The following ADAM11 variants were observed in gnomAD, a reference collection of about 807,000 sequenced individuals.
The protein encoded by ADAM11 is ADAM metallopeptidase domain 11, also known as disintegrin and metalloproteinase domain-containing protein 11.
In ADAM11, 49 loss-of-function variants were observed where a neutral mutation model predicts 119.1. The ratio of observed to expected loss-of-function variants is 0.41; its 90% CI spans 0.33 to 0.52. The LOEUF (loss-of-function observed/expected upper bound fraction) is 0.52, where lower values mean the gene tolerates loss of function less well. Among genes scored for constraint, ADAM11 ranks in the 20% least tolerant of loss-of-function variants. The probability of loss-of-function intolerance (pLI) is 0.20; values close to 1 mark genes in which losing one functional copy is unlikely to be tolerated. For synonymous variants in ADAM11, 364 were observed against 408.0 expected (o/e 0.89, Z 1.30); for missense variants, 777 against 1,047.5 (o/e 0.74, Z 3.56).
chr17:44,768,293 C>A (rs1369600294), intron 2 of ADAM11, among the ~76,000 whole-genome samples: 2 of 152,162 alleles, frequency 1.3e-5, no homozygotes, highest in African/African-American at 4.8e-5. Context: ...GCTCTAGGGG[C>A]TCAGGATGGA....
At chr17:44,761,295 G>C (rs976798777) in intron 2 of ADAM11, among the ~76,000 whole-genome samples, 1 of 152,184 alleles carries the variant, frequency 6.6e-6, no homozygotes, top group African/African-American at 2.4e-5. Flanking sequence ...ACAGAGTTGA[G>C]GAAAAGCCTG....
At chr17:44,761,396 G>A (rs975293521) in intron 2 of ADAM11, among the ~76,000 whole-genome samples, 2 of 152,280 alleles carry the variant, frequency 1.3e-5, no homozygotes, top group East Asian at 3.9e-4. Context: ...AGGTGGCAAA[G>A]GGTAGGAGGT....
chr17:44,776,409 A>G lies in ADAM11; in HGVS notation c.1566+202A>G, dbSNP rs2049602198. Reference sequence around the variant, plus strand: ...TCCTTCAATCATTAAACCAGAATGTATCGTCTGGCTGGTATTCCCAGCGCC... The same window carrying G: ...TCCTTCAATCATTAAACCAGAATGTGTCGTCTGGCTGGTATTCCCAGCGCC... On this transcript the variant is annotated intron_variant, in intron 18 of 26. Coordinates refer to ENST00000200557, the MANE Select transcript of ADAM11 (RefSeq NM_002390.6). This position sits in a 1 kb window ranked among gnomAD's most constrained non-coding sequence, Gnocchi z 5.2. Among the ~76,000 whole-genome samples the G allele has an allele frequency of 6.6e-6, 1 of 152,134 alleles. No individual in the cohort carries two copies. Among genetic ancestry groups the G allele is most frequent in the African/African-American group, 2.4e-5 (1 of 41,426 alleles).
intron 2 of ADAM11, among the ~76,000 whole-genome samples, chr17:44,765,472 T>C (rs1322721119): frequency 6.6e-6 from 1 of 152,228 alleles, no homozygotes; most frequent in East Asian, 1.9e-4. Context: ...GAGTCGTTTA[T>C]GCAGTTCCTC....
In ADAM11 at chr17:44,777,956, G is replaced by A; in HGVS notation, c.2075G>A (p.Cys692Tyr). The A allele has an allele frequency of 6.2e-7, 1 of 1,614,060 alleles. No homozygotes were observed. The highest frequency in any genetic ancestry group is 8.5e-7 in the Non-Finnish European group (1 of 1,180,000). Residue 692 changes from cysteine (C) to tyrosine (Y), a missense_variant, in exon 24 of 27, where the codon TGC (cysteine) becomes TAC (tyrosine). Coordinates refer to ENST00000200557, the MANE Select transcript of ADAM11 (RefSeq NM_002390.6). The surrounding 1 kb of genome is among the most constrained non-coding windows in gnomAD (Gnocchi z 5.1). ...CTGGCCCTGCCCTGCCTCTAGGTCT[G>A]CAGCAATGAAGGGAAGTGCATCTGT... ...ERRICSHHGVCSNEGKCICQP... is the reference protein window; with the variant it reads ...ERRICSHHGVYSNEGKCICQP...
At chr17:44,771,969 C>A in intron 6 of ADAM11, 138 bp downstream of exon 6, 2 of 1,001,164 alleles carry the variant, frequency 2.0e-6, no homozygotes, top group Non-Finnish European at 2.9e-6. Flanking sequence ...GTGACCCCAG[C>A]TCTGGTTCCC....
At chr17:44,779,681 G>A (rs943261362) in intron 26 of ADAM11, 58 bp from the exon 27 acceptor site, 40 of 1,559,886 alleles carry the variant, frequency 2.6e-5, no homozygotes, top group Non-Finnish European at 3.4e-5. Flanking sequence ...GCCCTGCTGG[G>A]GGGCTCTCCC....
chr17:44,763,212 C>T (rs191595039), intron 2 of ADAM11, among the ~76,000 whole-genome samples: 3 of 152,280 alleles, frequency 2.0e-5, no homozygotes, highest in East Asian at 3.9e-4. Flanking sequence ...GGGGCAGGCA[C>T]TCCTTTACGT....
rs1567691460 is a variant in ADAM11 at position 44,771,786 on chromosome 17, C to T, written c.498C>T (p.Tyr166=). ...TCTTCTCTGATGGGAACTTGACTTA[C>T]ATCGTGGAGCCCCAAGAGGTGGCTG... ...HGVFSDGNLT[Y]IVEPQEVAGP... is the part of the protein sequence containing the mutation. Residue 166 remains tyrosine (Y), a synonymous_variant, in exon 6 of 27, where the codon TAC becomes TAT. Coordinates refer to ENST00000200557, the MANE Select transcript of ADAM11 (RefSeq NM_002390.6). The T allele has an allele frequency of 6.2e-7, 1 of 1,613,436 alleles. No individual in the cohort carries two copies. Among genetic ancestry groups the T allele is most frequent in the Non-Finnish European group, 8.5e-7 (1 of 1,179,580 alleles).
chr17:44,776,660 C>G lies in ADAM11; in HGVS notation c.1567-85C>G, dbSNP rs2049605347. 1 of 1,526,008 alleles carries G rather than the reference C, an allele frequency of 6.6e-7. No homozygotes were observed. Among genetic ancestry groups the G allele is most frequent in the Non-Finnish European group, 9.0e-7 (1 of 1,116,930 alleles). The allele number at this position is 1,526,008 out of a possible 1,614,324, so 94.5% of individuals were successfully genotyped here. On this transcript the variant is annotated intron_variant, in intron 18 of 26. Coordinates refer to ENST00000200557, the MANE Select transcript of ADAM11 (RefSeq NM_002390.6). The surrounding 1 kb of genome is among the most constrained non-coding windows in gnomAD (Gnocchi z 5.2). ...TGGCATGAGCCCCCAATGGGGGGCA[C>G]TTGGTACCCCAGCATTCCTCCCTGG...
Position 44,776,108 on chromosome 17 carries a change from G to A in ADAM11, c.1486-19G>A. The A allele has an allele frequency of 6.2e-7, 1 of 1,613,222 alleles. No individual in the cohort carries two copies. Among genetic ancestry groups the A allele is most frequent in the Non-Finnish European group, 8.5e-7 (1 of 1,179,724 alleles). On this transcript the variant is annotated intron_variant, in intron 17 of 26. Transcript: ENST00000200557. The surrounding 1 kb of genome is among the most constrained non-coding windows in gnomAD (Gnocchi z 5.2). The stretch of plus-strand genomic sequence containing the variant: ...AGGCATCCATCCTGCCTGACTCGAG[G>A]AGCGCGTCTCTTCCCTAGTACGAAC...
In ADAM11 at chr17:44,759,467, G is replaced by A; in HGVS notation, c.61+207G>A. 2.4e-6 allele frequency: 3 copies of A among 1,249,164 alleles called. No homozygotes were observed. In the African/African-American group the frequency reaches 4.6e-5, roughly 19 times the overall value. 77.4% of individuals were successfully genotyped at this position (1,249,164 alleles called of 1,614,324 possible). A position where few individuals can be genotyped will look rare whatever the true frequency, so the allele number is the denominator to read the frequency against. ...GGCCCACCGCGTCCCTGCCCCTGCCGCCGACCGGCCAGCTCTGCAGGTCTC... is the reference window on the plus strand; with the variant it reads ...GGCCCACCGCGTCCCTGCCCCTGCCACCGACCGGCCAGCTCTGCAGGTCTC... On this transcript the variant is annotated intron_variant, in intron 1 of 26. Transcript: ENST00000200557.
At chr17:44,774,415 G>A (rs1040922143) in intron 12 of ADAM11, 36 bp downstream of exon 12, 6 of 1,551,314 alleles carry the variant, frequency 3.9e-6, no homozygotes, top group African/African-American at 1.4e-5. Flanking sequence ...GGTGGCGGCT[G>A]AGGGAAAGGG....
At chr17:44,759,933 G>GC in intron 2 of ADAM11, 36 bp downstream of exon 2, 1 of 1,258,058 alleles carries the variant, frequency 7.9e-7, no homozygotes, top group Non-Finnish European at 1.0e-6. Flanking sequence ...AGGGGCTGAA[G>GC]CAGGCCTCAG....
intron 26 of ADAM11, 150 bp from the exon 27 acceptor site, chr17:44,779,587 CCA>C: frequency 6.1e-6 from 9 of 1,475,666 alleles, no homozygotes; most frequent in Non-Finnish European, 8.0e-6. Context: ...TTCCATATCA[CCA>C]CTGTCTGACC....
At chr17:44,767,583 C>T (rs2049466281) in intron 2 of ADAM11, among the ~76,000 whole-genome samples, 1 of 152,174 alleles carries the variant, frequency 6.6e-6, no homozygotes, top group South Asian at 2.1e-4. Flanking sequence ...GGTATGTGGT[C>T]TCTTTCTTTC....
intron 5 of ADAM11, 24 bp from the exon 6 acceptor site, chr17:44,771,732 G>A (rs764812732): frequency 6.2e-7 from 1 of 1,612,938 alleles, no homozygotes; most frequent in Non-Finnish European, 8.5e-7. Flanking sequence ...GGGACGGAGG[G>A]GAGCTGCGCC....
chr17:44,761,799 A>G (rs1313376322), intron 2 of ADAM11, among the ~76,000 whole-genome samples: 1 of 149,808 alleles, frequency 6.7e-6, no homozygotes, highest in Non-Finnish European at 1.5e-5. Context: ...ATTTCTCACA[A>G]CTCTGTAAGG....
Position 44,778,009 on chromosome 17 carries a change from A to G in ADAM11, c.2128A>G (p.Ser710Gly), listed in dbSNP as rs894070190. The G allele has an allele frequency of 1.9e-6, 3 of 1,614,094 alleles. No homozygotes were observed. In the Admixed American group the frequency reaches 5.0e-5, roughly 27 times the overall value. The change falls in exon 24 of 27, where the codon AGT becomes GGT. Residue 710 changes from serine to glycine, a missense_variant. Transcript: ENST00000200557. Reference sequence around the variant, plus strand: ...GCCAGACTGGACAGGCAAAGACTGCAGTATCCATAACCCCCTGCCCACGTC... The same window carrying G: ...GCCAGACTGGACAGGCAAAGACTGCGGTATCCATAACCCCCTGCCCACGTC... ...CQPDWTGKDC[S>G]IHNPLPTSPP...
Sources: allele counts gnomAD v4.1 joint callset (sites outside exome capture counted in the v4.1 genomes callset), GRCh38; gene constraint gnomAD v4.1.1; non-coding constraint Gnocchi (gnomAD v3.1); transcripts MANE v1.5; gene names NCBI Gene and HGNC (gene_info 2026-07-23, HGNC 2026-07-21).